Variants in GRIN2B observed in about 807,000 individuals in gnomAD.
GRIN2B encodes the protein glutamate ionotropic receptor NMDA type subunit 2B, also known as glutamate receptor ionotropic, NMDA 2B.
Under a neutral mutation model 114.5 loss-of-function variants are expected in GRIN2B, and 5 were observed. The observed-to-expected ratio is 0.04, with a 90% CI of 0.02 to 0.09. The LOEUF is 0.09. Among genes scored for constraint, GRIN2B ranks in the 10% least tolerant of loss-of-function variants. GRIN2B has a pLI of 1.00. For missense variants in GRIN2B, 1,108 were observed against 1,943.5 expected, an observed-to-expected ratio of 0.57 and a Z score of 8.08; for synonymous variants, 787 against 745.1, an observed-to-expected ratio of 1.06 and a Z score of -0.92.
chr12:13,756,783 G>A (rs951710657), intron 3 of GRIN2B, among the ~76,000 whole-genome samples: 1 of 152,146 alleles, frequency 6.6e-6, no homozygotes, highest in Admixed American at 6.6e-5. Context: ...CATAGCAAGA[G>A]GTACAAAAGC....
intron 10 of GRIN2B, among the ~76,000 whole-genome samples, chr12:13,590,343 A>C (rs914145127): frequency 6.6e-6 from 1 of 152,072 alleles, no homozygotes; most frequent in African/African-American, 2.4e-5. Flanking sequence ...TCTAGGTTTT[A>C]AGCCCCGCAT....
chr12:13,971,661 C>G (rs1030381054), intron 2 of GRIN2B, among the ~76,000 whole-genome samples: 1 of 152,192 alleles, frequency 6.6e-6, no homozygotes, highest in Non-Finnish European at 1.5e-5. Context: ...TACATTTACA[C>G]TGTTACAAAG....
intron 10 of GRIN2B, among the ~76,000 whole-genome samples, chr12:13,586,771 A>G (rs1013094469): frequency 6.6e-6 from 1 of 152,214 alleles, no homozygotes; most frequent in Non-Finnish European, 1.5e-5. Flanking sequence ...AATATTTCTT[A>G]TCTACATTAC....
rs934616089 is a variant in GRIN2B, at chr12:13,548,143, T to C, written c.*14640A>G. Reference sequence around the variant, plus strand: ...CAGTGGGAAAGAGTTTAAGTTCATGTGGATCTTGCTGTTCCGGAGCAAGCT... The same window carrying C: ...CAGTGGGAAAGAGTTTAAGTTCATGCGGATCTTGCTGTTCCGGAGCAAGCT... On this transcript the variant is annotated 3_prime_UTR_variant, in exon 14 of 14. Coordinates refer to ENST00000609686, the MANE Select transcript of GRIN2B (RefSeq NM_000834.5). The C allele has an allele frequency of 5.9e-5, 9 of 151,784 alleles. No homozygotes were observed. The highest frequency in any genetic ancestry group is 4.6e-4 in the Admixed American group (7 of 15,222). The allele number at this position is 151,784 out of a possible 1,614,324, so 9.4% of individuals were successfully genotyped here. A position where few individuals can be genotyped will look rare whatever the true frequency, so the allele number is the denominator to read the frequency against.
intron 3 of GRIN2B, among the ~76,000 whole-genome samples, chr12:13,839,160 G>A (rs972867366): frequency 6.6e-6 from 1 of 152,214 alleles, no homozygotes; most frequent in Non-Finnish European, 1.5e-5. Context: ...GCAGAAAGGT[G>A]AATGAAGCTA....
intron 10 of GRIN2B, among the ~76,000 whole-genome samples, chr12:13,588,453 A>G (rs1948961911): frequency 6.6e-6 from 1 of 152,228 alleles, no homozygotes; most frequent in South Asian, 2.1e-4. Context: ...TGCTGTAGGC[A>G]TCAAATTGGA....
At chr12:13,903,485 G>A (rs1035262992) in intron 2 of GRIN2B, among the ~76,000 whole-genome samples, 1 of 151,960 alleles carries the variant, frequency 6.6e-6, no homozygotes, top group African/African-American at 2.4e-5. Context: ...TCTTTAACAC[G>A]AGTTATTTAT....
At chr12:13,947,732 C>T (rs541770478) in intron 2 of GRIN2B, among the ~76,000 whole-genome samples, 15 of 152,276 alleles carry the variant, frequency 9.9e-5, no homozygotes, top group African/African-American at 3.4e-4. Context: ...TTGGCTGTGG[C>T]TCATTTTCCA....
intron 2 of GRIN2B, among the ~76,000 whole-genome samples, chr12:13,872,004 C>A (rs1591596062): frequency 6.6e-6 from 1 of 152,034 alleles, no homozygotes; most frequent in Admixed American, 6.6e-5. Context: ...CCCACCCCAC[C>A]TCTGCCAAAA....
At chr12:13,571,051 T>C (rs1276650623) in intron 11 of GRIN2B, among the ~76,000 whole-genome samples, 2 of 152,206 alleles carry the variant, frequency 1.3e-5, no homozygotes, top group Non-Finnish European at 2.9e-5. Flanking sequence ...AATCTAACAG[T>C]ATTTTAAGTA....
chr12:13,623,399 T>C (rs932283083), intron 5 of GRIN2B, among the ~76,000 whole-genome samples: 4 of 152,210 alleles, frequency 2.6e-5, no homozygotes, highest in Admixed American at 2.0e-4. Context: ...TTGCAACAAT[T>C]GAAATTCCTA....
intron 5 of GRIN2B, among the ~76,000 whole-genome samples, chr12:13,643,253 T>TAG (rs932083630): frequency 2.7e-4 from 41 of 152,284 alleles, no homozygotes; most frequent in African/African-American, 9.9e-4. Context: ...GGTTTGGTTC[T>TAG]AGACCACCAC....
At position 13,562,957 on chromosome 12, in the gene GRIN2B, G is replaced by A; in HGVS notation, c.4281C>T (p.Asn1427=). 1.2e-6 allele frequency: 2 copies of A among 1,614,168 alleles called. No homozygotes were observed. Among genetic ancestry groups the A allele is most frequent in the South Asian group, 1.1e-5 (1 of 91,086 alleles). ...CATGAAGGGCCGAGACCACCGGCTT[G>A]TTGGTGACAAGGGCCCGGAAGTCCG... The part of the protein sequence containing the change: ...ARPDFRALVT[N]KPVVSALHGA... Residue 1427 remains asparagine, a synonymous_variant, in exon 14 of 14, where the codon AAC becomes AAT. Transcript: ENST00000609686.
In GRIN2B at chr12:13,564,109, G is replaced by A. The variant is rs1247142777; in HGVS notation, c.3129C>T (p.Ser1043=). The part of the protein sequence containing the change: ...SQLSDLYGKF[S]FKSDRYSGHD... ...GGCCACTGTAGCGGTCGCTCTTGAAGGAGAATTTGCCGTACAGGTCACTGA... is the reference window on the plus strand; with the variant it reads ...GGCCACTGTAGCGGTCGCTCTTGAAAGAGAATTTGCCGTACAGGTCACTGA... The change falls in exon 14 of 14, where the codon TCC becomes TCT. Residue 1043 remains serine, a synonymous_variant. Transcript: ENST00000609686. This position sits in a 1 kb window ranked among gnomAD's most constrained non-coding sequence, Gnocchi z 4.8. 2 of 1,614,188 alleles carry A rather than the reference G, an allele frequency of 1.2e-6. No individual in the cohort carries two copies.
At chr12:13,702,300 G>T (rs552419872) in intron 4 of GRIN2B, among the ~76,000 whole-genome samples, 106 of 152,212 alleles carry the variant, frequency 7.0e-4, no homozygotes, top group Non-Finnish European at 1.3e-3. Flanking sequence ...GAATCTCAAG[G>T]TATTTAATTT....
intron 10 of GRIN2B, among the ~76,000 whole-genome samples, chr12:13,581,073 C>T (rs887920283): frequency 2.0e-5 from 3 of 152,154 alleles, no homozygotes; most frequent in African/African-American, 7.2e-5. Context: ...TATTGAAGGA[C>T]ATTTGAGTTA....
chr12:13,607,191 A>AAAAATATATATAATATAT (rs1949266447), intron 10 of GRIN2B, among the ~76,000 whole-genome samples: 1 of 117,944 alleles, frequency 8.5e-6, no homozygotes, highest in Admixed American at 1.3e-4. Flanking sequence ...TAAATATATA[A>AAAAATATATATAATATAT]AAAATATATA....
At chr12:13,937,782 A>G (rs56363834) in intron 2 of GRIN2B, among the ~76,000 whole-genome samples, 1 of 152,168 alleles carries the variant, frequency 6.6e-6, no homozygotes, top group Non-Finnish European at 1.5e-5. Flanking sequence ...TGAGGTTTAT[A>G]GTATACATAG....
intron 3 of GRIN2B, among the ~76,000 whole-genome samples, chr12:13,779,192 C>T (rs1864060787): frequency 6.6e-6 from 1 of 152,020 alleles, no homozygotes. Context: ...TACAGGTGTG[C>T]ACCACCACAC....
Sources: allele counts gnomAD v4.1 joint callset (sites outside exome capture counted in the v4.1 genomes callset), GRCh38; gene constraint gnomAD v4.1.1; non-coding constraint Gnocchi (gnomAD v3.1); transcripts MANE v1.5; gene names NCBI Gene and HGNC (gene_info 2026-07-23, HGNC 2026-07-21).